Variants in ZNF385D observed in about 807,000 individuals in gnomAD.
ZNF385D encodes zinc finger protein 659.
In ZNF385D, 15 loss-of-function variants were observed where a neutral mutation model predicts 35.8. The ratio of observed to expected loss-of-function variants is 0.42; its 90% CI spans 0.28 to 0.64. The LOEUF (loss-of-function observed/expected upper bound fraction) is 0.64. Among genes scored for constraint, ZNF385D ranks in the 30% least tolerant of loss-of-function variants. ZNF385D has a pLI of 0.23. For missense variants in ZNF385D, 474 were observed against 494.6 expected, an observed-to-expected ratio of 0.96 and a Z score of 0.39; for synonymous variants, 212 against 186.8, an observed-to-expected ratio of 1.13 and a Z score of -1.10.
intron 3 of ZNF385D, among the ~76,000 whole-genome samples, chr3:21,987,936 T>C (rs1559823106): frequency 6.8e-6 from 1 of 147,014 alleles, no homozygotes; most frequent in Non-Finnish European, 1.5e-5. Context: ...CCATTGCTGA[T>C]ACCCTTTCTT....
intron 3 of ZNF385D, among the ~76,000 whole-genome samples, chr3:22,154,642 G>A (rs957763429): frequency 1.3e-5 from 2 of 152,114 alleles, no homozygotes; most frequent in African/African-American, 4.8e-5. Context: ...TCTCTTTAAT[G>A]TACATACCTT....
intron 2 of ZNF385D, among the ~76,000 whole-genome samples, chr3:22,179,308 G>C (rs1313600023): frequency 6.6e-6 from 1 of 152,152 alleles, no homozygotes; most frequent in Non-Finnish European, 1.5e-5. Context: ...CACATCCCTT[G>C]TAAGTTGGAT....
At chr3:21,823,352 T>C (rs1269441809) in intron 3 of ZNF385D, among the ~76,000 whole-genome samples, 1 of 152,158 alleles carries the variant, frequency 6.6e-6, no homozygotes, top group Non-Finnish European at 1.5e-5. Context: ...GTTTTGGCAA[T>C]TGTTATTTGT....
intron 2 of ZNF385D, among the ~76,000 whole-genome samples, chr3:22,339,406 C>T (rs2125475544): frequency 6.6e-6 from 1 of 152,188 alleles, no homozygotes; most frequent in South Asian, 2.1e-4. Context: ...TACTATGTGC[C>T]ATATACTATG....
chr3:21,444,935 C>T (rs1702068968), intron 4 of ZNF385D, among the ~76,000 whole-genome samples: 1 of 152,120 alleles, frequency 6.6e-6, no homozygotes, highest in Admixed American at 6.5e-5. Flanking sequence ...GGTCACACAC[C>T]TTGACTTGGG....
intron 2 of ZNF385D, among the ~76,000 whole-genome samples, chr3:21,566,974 T>G (rs1387821): frequency 1.3e-5 from 2 of 152,112 alleles, no homozygotes; most frequent in African/African-American, 2.4e-5. Flanking sequence ...TCTGGAATCT[T>G]TCATTCAATA....
At chr3:22,153,464 CTTTTTT>C (rs769926281) in intron 3 of ZNF385D, among the ~76,000 whole-genome samples, 1 of 109,322 alleles carries the variant, frequency 9.1e-6, no homozygotes, top group Admixed American at 9.5e-5. Context: ...TGAAATTCTT[CTTTTTT>C]TTTTTTTTTT....
In ZNF385D at chr3:22,342,276, CAAAAAAAAA is replaced by C. The variant is rs766689054; in HGVS notation, c.106+30165_106+30173del. On this transcript the variant is annotated intron_variant, in intron 2 of 5. Transcript: ENST00000494108. ...TGGGCGACAGAGCAAGACTCCGCCT[CAAAAAAAAA>C]AAAAAAAAAAAAAAAAGACTGAATG... Among the ~76,000 whole-genome samples, 83 of 53,522 alleles carry C rather than the reference CAAAAAAAAA, an allele frequency of 1.6e-3. No homozygotes were observed. The South Asian group carries it at 0.038, about 25-fold the overall frequency. 35.1% of individuals were successfully genotyped at this position (53,522 alleles called of 152,430 possible). A position where few individuals can be genotyped will look rare whatever the true frequency, so the allele number is the denominator to read the frequency against.
chr3:22,125,006 G>A (rs1307108135), intron 3 of ZNF385D, among the ~76,000 whole-genome samples: 1 of 152,026 alleles, frequency 6.6e-6, no homozygotes, highest in Non-Finnish European at 1.5e-5. Flanking sequence ...CCAACATCCT[G>A]GAAAGTTTCC....
chr3:22,139,833 GAAGAT>G (rs1704390084), intron 3 of ZNF385D, among the ~76,000 whole-genome samples: 1 of 152,088 alleles, frequency 6.6e-6, no homozygotes, highest in Non-Finnish European at 1.5e-5. Flanking sequence ...AAACACATGA[GAAGAT>G]AAGGGACATC....
At chr3:21,975,830 T>A (rs6790686) in intron 3 of ZNF385D, among the ~76,000 whole-genome samples, 102,853 of 148,546 alleles carry the variant, frequency 0.69, 36,580 homozygotes, top group African/African-American at 0.84. Context: ...AAAAAAAAAT[T>A]AAGTGAGATT....
At chr3:21,724,477 CAAAAAAAAAAAAAAAAAA>C (rs200803155) in intron 1 of ZNF385D, among the ~76,000 whole-genome samples, 2,183 of 51,534 alleles carry the variant, frequency 0.042, 31 homozygotes, top group South Asian at 0.07. Flanking sequence ...AATGGAAAGC[CAAAAAAAAAAAAAAAAAA>C]AAAAAAAAAA....
chr3:21,558,564 C>A (rs539990520), intron 3 of ZNF385D, among the ~76,000 whole-genome samples: 44 of 152,108 alleles, frequency 2.9e-4, no homozygotes, highest in Non-Finnish European at 5.9e-4. Context: ...TAGTGTTTTA[C>A]TTCCAATTAT....
rs368493321 is a variant in ZNF385D, at chr3:22,030,966, C to A, written c.325+137851G>T. On this transcript the variant is annotated intron_variant, in intron 3 of 5. Transcript: ENST00000494108. ...AAACAAAGGTGCCACAGGCCCCATG[C>A]AATTCTGAAACCCGGCTGGGCAGTC... Among the ~76,000 whole-genome samples the A allele has an allele frequency of 3.0e-4, 45 of 152,310 alleles. No individual in the cohort carries two copies. In the East Asian group the frequency reaches 4.1e-3, roughly 14 times the overall value.
intron 2 of ZNF385D, among the ~76,000 whole-genome samples, chr3:21,635,679 C>T (rs915804118): frequency 3.9e-5 from 6 of 151,940 alleles, no homozygotes; most frequent in South Asian, 2.1e-4. Context: ...TACACTGAAC[C>T]GAATTTGTAG....
chr3:21,959,657 G>C (rs954484433), intron 3 of ZNF385D, among the ~76,000 whole-genome samples: 19 of 152,146 alleles, frequency 1.2e-4, no homozygotes, highest in Non-Finnish European at 2.4e-4. Flanking sequence ...TGGAAGATGG[G>C]GCTAGCCCCA....
At chr3:21,961,883 G>A (rs1417947087) in intron 3 of ZNF385D, among the ~76,000 whole-genome samples, 1 of 152,096 alleles carries the variant, frequency 6.6e-6, no homozygotes, top group African/African-American at 2.4e-5. Context: ...TAGAGCTTAT[G>A]AGAAATTGAA....
At chr3:21,867,683 T>C (rs943756380) in intron 3 of ZNF385D, among the ~76,000 whole-genome samples, 1 of 152,112 alleles carries the variant, frequency 6.6e-6, no homozygotes, top group African/African-American at 2.4e-5. Context: ...TTTTATTAGC[T>C]TATATTAATG....
Position 21,679,281 on chromosome 3 carries a change from A to AT in ZNF385D, c.23-14254dup, listed in dbSNP as rs1365716138. Among the ~76,000 whole-genome samples the AT allele has an allele frequency of 1.5e-4, 23 of 152,166 alleles. 1 individual carries two copies. In the South Asian group the frequency reaches 3.7e-3, roughly 25 times the overall value. On this transcript the variant is annotated intron_variant, in intron 1 of 7. Coordinates refer to ENST00000281523, the MANE Select transcript of ZNF385D (RefSeq NM_024697.3). ...ACTATTCTTAATGTCTTTTTTACTC[A>AT]TTTTTTATCAAAATGATATGAAATA...
Sources: allele counts gnomAD v4.1 joint callset (sites outside exome capture counted in the v4.1 genomes callset), GRCh38; gene constraint gnomAD v4.1.1; transcripts MANE v1.5; gene names NCBI Gene and HGNC (gene_info 2026-07-23, HGNC 2026-07-21).